Variants in PRICKLE1 observed in about 807,000 individuals in gnomAD.
PRICKLE1 encodes the protein prickle-like protein 1.
PRICKLE1 carries 14 observed loss-of-function variants against 70.2 expected under a neutral mutation model. The ratio of observed to expected loss-of-function variants is 0.20; its 90% CI spans 0.13 to 0.31. The LOEUF (loss-of-function observed/expected upper bound fraction) is 0.31. Among genes scored for constraint, PRICKLE1 ranks in the 10% least tolerant of loss-of-function variants. The pLI is 1.00. For missense variants in PRICKLE1, 821 were observed against 1,026.2 expected (o/e 0.80, Z 2.73); for synonymous variants, 357 against 379.9 (o/e 0.94, Z 0.70).
chr12:42,529,954 T>TTCC (rs35695872), intron 1 of PRICKLE1, among the ~76,000 whole-genome samples: 87,971 of 120,298 alleles, frequency 0.73, 30,798 homozygotes, highest in East Asian at 0.89. Flanking sequence ...CCTTCCTTCC[T>TTCC]TTTTTTTTTT....
rs777597253 is a variant in PRICKLE1, at chr12:42,464,622, A to G, written c.1412T>C (p.Met471Thr). 34 of 1,613,974 alleles carry G rather than the reference A, an allele frequency of 2.1e-5. No individual in the cohort carries two copies. The Admixed American group carries it at 5.0e-4, about 24-fold the overall frequency. ...TCCATCTTGTGACTGTGCCCAGTACATATCAGACTGGTATTTTTTACTTGC... is the reference window on the plus strand; with the variant it reads ...TCCATCTTGTGACTGTGCCCAGTACGTATCAGACTGGTATTTTTTACTTGC... Reference protein sequence around the residue: ...SLASKKYQSDMYWAQSQDGLG... With the variant: ...SLASKKYQSDTYWAQSQDGLG... Residue 471 changes from methionine (M) to threonine (T), a missense_variant, in exon 7 of 8, where the codon ATG becomes ACG. Physicochemically the swap from Met to Thr is moderately conservative, Grantham distance 81 (BLOSUM62 -1). Coordinates refer to ENST00000345127, the MANE Select transcript of PRICKLE1 (RefSeq NM_153026.3). This position sits in a 1 kb window ranked among gnomAD's most constrained non-coding sequence, Gnocchi z 4.2.
rs3827522 is a variant in PRICKLE1 at position 42,460,069 on chromosome 12, G to C, written c.2236C>G (p.Pro746Ala). ...AGTCCCAGAAACCGATTCATTCCTG[G>C]GTTCTGCAGGCCATAATCGGAAGTG... ...HATSDYGLQN[P>A]GMNRFLGLYG... The change falls in exon 8 of 8, where the codon CCA becomes GCA. Residue 746 changes from proline to alanine, a missense_variant. Physicochemically the swap from Pro to Ala is conservative, Grantham distance 27. Transcript: ENST00000345127. The C allele has an allele frequency of 6.2e-7, 1 of 1,613,964 alleles. No individual in the cohort carries two copies. Among genetic ancestry groups the C allele is most frequent in the Non-Finnish European group, 8.5e-7 (1 of 1,180,028 alleles).
rs1018569406 is a variant in PRICKLE1 at position 42,458,464 on chromosome 12, A to G, written c.*1345T>C. 1.3e-5 allele frequency: 2 copies of G among 152,228 alleles called. No homozygotes were observed. The highest frequency in any genetic ancestry group is 1.3e-4 in the Admixed American group (2 of 15,286). 9.4% of individuals were successfully genotyped at this position (152,228 alleles called of 1,614,324 possible). A position where few individuals can be genotyped will look rare whatever the true frequency, so the allele number is the denominator to read the frequency against. ...ATGCAAGAGTGGCACATATCAAAAT[A>G]TCTGCTCATTGGTTCAGATCCAACG... On this transcript the variant is annotated 3_prime_UTR_variant, in exon 8 of 8. Transcript: ENST00000345127.
chr12:42,509,570 A>G (rs907254577), intron 1 of PRICKLE1, among the ~76,000 whole-genome samples: 1 of 152,156 alleles, frequency 6.6e-6, no homozygotes, highest in Non-Finnish European at 1.5e-5. Flanking sequence ...CCAGAGCACC[A>G]TGCTCAGTGC....
intron 1 of PRICKLE1, among the ~76,000 whole-genome samples, chr12:42,540,001 A>C (rs1940083364): frequency 6.6e-6 from 1 of 152,238 alleles, no homozygotes; most frequent in African/African-American, 2.4e-5. Flanking sequence ...AACTGTGATC[A>C]GTACAACATA....
At chr12:42,581,132 G>A (rs1940891824) in intron 1 of PRICKLE1, among the ~76,000 whole-genome samples, 1 of 152,174 alleles carries the variant, frequency 6.6e-6, no homozygotes, top group Non-Finnish European at 1.5e-5. Flanking sequence ...GTGCAAGACT[G>A]CACTGAAAAC....
At chr12:42,502,204 C>A (rs1045728293) in intron 1 of PRICKLE1, among the ~76,000 whole-genome samples, 2 of 148,710 alleles carry the variant, frequency 1.3e-5, no homozygotes, top group African/African-American at 5.1e-5. Flanking sequence ...TACACACACA[C>A]CTATATATAT....
chr12:42,496,807 G>C (rs1032716171), intron 1 of PRICKLE1, among the ~76,000 whole-genome samples: 2 of 152,162 alleles, frequency 1.3e-5, no homozygotes, highest in African/African-American at 2.4e-5. Context: ...GAATGGAAGA[G>C]AGTTAGGGCT....
intron 1 of PRICKLE1, among the ~76,000 whole-genome samples, chr12:42,487,526 C>G (rs777612784): frequency 2.0e-5 from 3 of 152,192 alleles, no homozygotes; most frequent in Non-Finnish European, 4.4e-5. Context: ...CCCTCCCTGA[C>G]CCTCCTTCCT....
chr12:42,553,863 G>A (rs893350807), intron 1 of PRICKLE1, among the ~76,000 whole-genome samples: 8 of 152,194 alleles, frequency 5.3e-5, no homozygotes, highest in Non-Finnish European at 8.8e-5. Context: ...AGCACTTTGG[G>A]AGGCTGAGAC....
chr12:42,468,148 G>C (rs1310749837), intron 5 of PRICKLE1, among the ~76,000 whole-genome samples: 1 of 152,044 alleles, frequency 6.6e-6, no homozygotes, highest in Non-Finnish European at 1.5e-5. Flanking sequence ...AAAGCTAAAG[G>C]GAAAAAATTT....
intron 1 of PRICKLE1, chr12:42,584,331 G>C (rs1940952594): frequency 6.6e-6 from 1 of 152,142 alleles, no homozygotes; most frequent in South Asian, 2.1e-4. Context: ...GAGGGAGACA[G>C]GCAAACTTGA....
chr12:42,538,719 A>G (rs964191437), intron 1 of PRICKLE1, among the ~76,000 whole-genome samples: 2 of 152,246 alleles, frequency 1.3e-5, no homozygotes, highest in African/African-American at 4.8e-5. Context: ...ATTAAGACAC[A>G]GAACCACATA....
At chr12:42,572,100 T>C (rs746773902) in intron 1 of PRICKLE1, among the ~76,000 whole-genome samples, 2 of 152,172 alleles carry the variant, frequency 1.3e-5, no homozygotes, top group African/African-American at 2.4e-5. Flanking sequence ...ATGATCTTCA[T>C]CTCTACTTTG....
At position 42,460,351 on chromosome 12, in the gene PRICKLE1, T is replaced by C. The variant is rs1194478107; in HGVS notation, c.1954A>G (p.Met652Val). 6 of 1,614,028 alleles carry C rather than the reference T, an allele frequency of 3.7e-6. No homozygotes were observed. Among genetic ancestry groups the C allele is most frequent in the Non-Finnish European group, 5.1e-6 (6 of 1,180,038 alleles). The change falls in exon 8 of 8, where the codon ATG becomes GTG. Residue 652 changes from methionine (M) to valine (V), a missense_variant. Coordinates refer to ENST00000345127, the MANE Select transcript of PRICKLE1 (RefSeq NM_153026.3). Reference sequence around the variant, plus strand: ...ACGCGTCTCCGAGTCCTTTCACTCATCGGAGGCTGCCGGATTTCAATGTCA... The same window carrying C: ...ACGCGTCTCCGAGTCCTTTCACTCACCGGAGGCTGCCGGATTTCAATGTCA... ...NYDIEIRQPP[M>V]SERTRRRVYN...
At chr12:42,469,956 T>C in intron 3 of PRICKLE1, 1 of 493,614 alleles carries the variant, frequency 2.0e-6, no homozygotes, top group Non-Finnish European at 3.7e-6. Flanking sequence ...CCATAAAGCA[T>C]TCACTCTGGA....
At chr12:42,496,202 C>T (rs1283955544) in intron 1 of PRICKLE1, among the ~76,000 whole-genome samples, 1 of 152,240 alleles carries the variant, frequency 6.6e-6, no homozygotes, top group East Asian at 1.9e-4. Flanking sequence ...TCTTGTGCAT[C>T]TCCATCAGAG....
In PRICKLE1 at chr12:42,510,809, T is replaced by C. The variant is rs376428564; in HGVS notation, c.-48-38245A>G. On this transcript the variant is annotated intron_variant, in intron 1 of 7. Coordinates refer to ENST00000345127, the MANE Select transcript of PRICKLE1 (RefSeq NM_153026.3). Reference sequence around the variant, plus strand: ...CTTGAAAAACCTTTATGTATGTGCCTAGTAAGGACACTAACCTGCTCTGTT... The same window carrying C: ...CTTGAAAAACCTTTATGTATGTGCCCAGTAAGGACACTAACCTGCTCTGTT... Among the ~76,000 whole-genome samples the C allele has an allele frequency of 1.4e-4, 22 of 152,336 alleles. No homozygotes were observed. The East Asian group carries it at 3.9e-3, about 27-fold the overall frequency.
At position 42,466,262 on chromosome 12, in the gene PRICKLE1, C is replaced by A. The variant is rs1457774536; in HGVS notation, c.707G>T (p.Arg236Leu). 2 of 1,614,182 alleles carry A rather than the reference C, an allele frequency of 1.2e-6. No individual in the cohort carries two copies. The highest frequency in any genetic ancestry group is 1.7e-6 in the Non-Finnish European group (2 of 1,180,038). Residue 236 changes from arginine (R) to leucine (L), a missense_variant, in exon 6 of 8, where the codon CGC (arginine) becomes CTC (leucine). By Grantham distance (102) the Arg-to-Leu change is moderately radical. Transcript: ENST00000345127. ...GGQRYIMKDG[R>L]PFCCGCFESL... ...CTCAAAACAGCCACAGCAGAAGGGG[C>A]GGCCGTCCTTCATGATATACCTCTG...
Sources: gnomAD v4.1 joint callset for allele counts (sites outside exome capture counted in the v4.1 genomes callset) on GRCh38, gnomAD v4.1.1 for gene constraint, Gnocchi (gnomAD v3.1) non-coding constraint, MANE v1.5 for transcripts, NCBI Gene and HGNC (gene_info 2026-07-23, HGNC 2026-07-21) for gene names.